The following CPED1 variants were observed in gnomAD, a reference collection of about 807,000 sequenced individuals.
CPED1 encodes the protein cadherin-like and PC-esterase domain-containing protein 1.
A neutral mutation model predicts 128.2 loss-of-function variants in CPED1; 114 were observed. That is an observed-to-expected ratio of 0.89 (90% CI 0.76 to 1.04). The LOEUF is 1.04. Among genes scored for constraint, CPED1 ranks in the 50% least tolerant of loss-of-function variants. The pLI is 0.00. For synonymous variants in CPED1, 462 were observed against 426.7 expected (o/e 1.08, Z -1.02); for missense variants, 1,211 against 1,207.1 (o/e 1.00, Z -0.05).
At chr7:121,101,998 T>C (rs1391041393) in intron 7 of CPED1, among the ~76,000 whole-genome samples, 2 of 152,180 alleles carry the variant, frequency 1.3e-5, no homozygotes, top group Non-Finnish European at 2.9e-5. Flanking sequence ...GCTTTGTTGC[T>C]GTCTCATCCG....
At chr7:121,125,998 C>A in intron 9 of CPED1, 106 bp downstream of exon 9, 1 of 814,802 alleles carries the variant, frequency 1.2e-6, no homozygotes, top group Non-Finnish European at 2.0e-6. Flanking sequence ...CAATAAATAG[C>A]AATTTGCAAA....
chr7:121,052,979 A>G (rs897265120), intron 4 of CPED1, among the ~76,000 whole-genome samples: 1 of 152,172 alleles, frequency 6.6e-6, no homozygotes, highest in African/African-American at 2.4e-5. Context: ...TTGACCTCCC[A>G]AAGTGCTGGG....
intron 16 of CPED1, 63 bp downstream of exon 16, chr7:121,142,204 A>T: frequency 7.3e-7 from 1 of 1,367,228 alleles, no homozygotes; most frequent in African/African-American, 1.4e-5. Flanking sequence ...CCAGGCGGAA[A>T]ATGCCAAATG....
chr7:121,138,318 C>A (rs902367631), intron 14 of CPED1, among the ~76,000 whole-genome samples: 5 of 152,032 alleles, frequency 3.3e-5, no homozygotes, highest in Non-Finnish European at 7.4e-5. Context: ...TACCACCGTA[C>A]CTCGTGCTGG....
At chr7:121,131,962 G>T (rs1283063700) in intron 12 of CPED1, among the ~76,000 whole-genome samples, 21 of 141,432 alleles carry the variant, frequency 1.5e-4, no homozygotes, top group African/African-American at 3.1e-4. Flanking sequence ...TGGGGGTAAT[G>T]TTTTTTTTTT....
chr7:121,198,543 T>G (rs1201241950), intron 16 of CPED1, among the ~76,000 whole-genome samples: 2 of 152,126 alleles, frequency 1.3e-5, no homozygotes, highest in African/African-American at 2.4e-5. Context: ...TTGCCCGGAC[T>G]CATACTTTAC....
chr7:121,121,947 C>G (rs1353429836), intron 7 of CPED1, among the ~76,000 whole-genome samples: 3 of 152,086 alleles, frequency 2.0e-5, no homozygotes, highest in South Asian at 4.2e-4. Flanking sequence ...AAAAGTGGTT[C>G]ACTTAGTTAG....
chr7:121,149,334 G>A (rs1796098488), intron 16 of CPED1, among the ~76,000 whole-genome samples: 1 of 152,138 alleles, frequency 6.6e-6, no homozygotes, highest in African/African-American at 2.4e-5. Context: ...TATAAAGCAA[G>A]CAAAGATCAG....
At chr7:121,072,185 CAA>C (rs11318194) in intron 5 of CPED1, among the ~76,000 whole-genome samples, 1,975 of 139,336 alleles carry the variant, frequency 0.014, 43 homozygotes, top group African/African-American at 0.05. Flanking sequence ...TTTTCCTATA[CAA>C]AAAAAAAAAA....
At chr7:121,154,648 C>T (rs547809256) in intron 16 of CPED1, among the ~76,000 whole-genome samples, 69 of 152,152 alleles carry the variant, frequency 4.5e-4, no homozygotes, top group African/African-American at 1.5e-3. Flanking sequence ...CTGGTTCAAG[C>T]GATTCTCCTG....
chr7:121,202,008 T>G (rs574029584), intron 16 of CPED1, among the ~76,000 whole-genome samples: 1 of 152,256 alleles, frequency 6.6e-6, no homozygotes, highest in African/African-American at 2.4e-5. Flanking sequence ...ATAATTGTAG[T>G]GAGAGACCAT....
At chr7:121,003,043 G>A (rs995564710) in intron 2 of CPED1, among the ~76,000 whole-genome samples, 3 of 152,102 alleles carry the variant, frequency 2.0e-5, no homozygotes, top group East Asian at 3.8e-4. Flanking sequence ...ATAATATGTC[G>A]AATGAATGGA....
At chr7:121,025,013 A>G (rs903630344) in intron 3 of CPED1, among the ~76,000 whole-genome samples, 3 of 152,146 alleles carry the variant, frequency 2.0e-5, no homozygotes, top group East Asian at 1.9e-4. Context: ...GCTTCTAACT[A>G]TAGTTCCCAG....
At chr7:121,265,650 G>A (rs879363678) in intron 18 of CPED1, among the ~76,000 whole-genome samples, 2 of 152,060 alleles carry the variant, frequency 1.3e-5, no homozygotes, top group African/African-American at 2.4e-5. Flanking sequence ...GGCAGTGAAA[G>A]CCTGAACAGT....
chr7:121,225,565 A>C (rs2116634540), intron 16 of CPED1, among the ~76,000 whole-genome samples: 1 of 152,234 alleles, frequency 6.6e-6, no homozygotes, highest in South Asian at 2.1e-4. Context: ...TAATATCCTG[A>C]AGAGTGTTTT....
At chr7:121,094,300 T>G (rs147471064) in intron 5 of CPED1, among the ~76,000 whole-genome samples, 209 of 152,346 alleles carry the variant, frequency 1.4e-3, no homozygotes, top group African/African-American at 4.5e-3. Context: ...CTTTTATTAT[T>G]ACTTCCCTAT....
rs867091470 is a variant in CPED1, at chr7:120,989,740, A to C, written c.119A>C (p.Lys40Thr). Residue 40 changes from lysine (K) to threonine (T), a missense_variant, in exon 2 of 23, where the codon AAG becomes ACG. Physicochemically the swap from Lys to Thr is moderately conservative, Grantham distance 78. Coordinates refer to ENST00000310396, the MANE Select transcript of CPED1 (RefSeq NM_024913.5). ...ACTCTGACCCTCCGAGGGTCGAGGA[A>C]GCTCACAGCCGCTGCCCCTGGGGCT... ...YQTLTLRGSR[K>T]LTAAAPGAVP... 6 of 1,613,846 alleles carry C rather than the reference A, an allele frequency of 3.7e-6. 1 individual carries two copies. The Middle Eastern group carries it at 9.9e-4, about 266-fold the overall frequency.
intron 2 of CPED1, among the ~76,000 whole-genome samples, chr7:120,994,625 C>CTGTGTGTGTGTGTGTGTGTGTG (rs35288728): frequency 2.1e-4 from 31 of 144,656 alleles, no homozygotes; most frequent in African/African-American, 7.8e-4. Flanking sequence ...ATTTGTTATA[C>CTGTGTGTGTGTGTGTGTGTGTG]TGTGTGTGTG....
At chr7:121,131,306 C>T (rs1276127581) in intron 12 of CPED1, among the ~76,000 whole-genome samples, 1 of 151,992 alleles carries the variant, frequency 6.6e-6, no homozygotes, top group Non-Finnish European at 1.5e-5. Context: ...GGTTTTATTT[C>T]CTCAATACCT....
Sources: allele counts gnomAD v4.1 joint callset (sites outside exome capture counted in the v4.1 genomes callset), GRCh38; gene constraint gnomAD v4.1.1; transcripts MANE v1.5; gene names NCBI Gene and HGNC (gene_info 2026-07-23, HGNC 2026-07-21).